The following MTRFR variants were observed in gnomAD, a reference collection of about 807,000 sequenced individuals.
The protein encoded by MTRFR is probable peptide chain release factor C12orf65, mitochondrial.
In MTRFR, 10 loss-of-function variants were observed where a neutral mutation model predicts 11.9. The observed-to-expected ratio is 0.84, with a 90% CI of 0.52 to 1.42. MTRFR has a LOEUF of 1.42. Among genes scored for constraint, MTRFR ranks in the 40% most tolerant of loss-of-function variants. MTRFR has a pLI of 0.00. For missense variants in MTRFR, 196 were observed against 197.9 expected (o/e 0.99, Z 0.06); for synonymous variants, 77 against 79.1 (o/e 0.97, Z 0.14).
chr12:123,245,139 G>A (rs187710664), intron 1 of MTRFR, among the ~76,000 whole-genome samples: 170 of 150,168 alleles, frequency 1.1e-3, no homozygotes, highest in African/African-American at 3.9e-3. Context: ...TGGTAGAGAC[G>A]GGGTTTCACC....
chr12:123,249,932 G>A (rs2048093557), intron 1 of MTRFR: 1 of 152,276 alleles, frequency 6.6e-6, no homozygotes. Context: ...TCTCTAGCAA[G>A]GCCGGGGAAG....
At chr12:123,234,737 AT>A (rs778245855) in intron 1 of MTRFR, among the ~76,000 whole-genome samples, 1 of 152,130 alleles carries the variant, frequency 6.6e-6, no homozygotes, top group Non-Finnish European at 1.5e-5. Flanking sequence ...ATCTTTCATG[AT>A]TTTTTAAATT....
In MTRFR at chr12:123,244,930, A is replaced by ATTTTTTTTTTT. The variant is rs544105176; in HGVS notation, c.-28-8697_-28-8687dup. On this transcript the variant is annotated intron_variant, in intron 1 of 2. Transcript: ENST00000253233. ...ACAGGTATGAGCCACCGCACCCGGC[A>ATTTTTTTTTTT]TTTTTTTTTTTTTTTTTTTTTTTTT... 1.1e-3 allele frequency among the ~76,000 whole-genome samples: 69 copies of ATTTTTTTTTTT among 65,088 alleles called. 3 individuals carry two copies. Among genetic ancestry groups the ATTTTTTTTTTT allele is most frequent in the East Asian group, 1.6e-3 (4 of 2,444 alleles). 42.7% of individuals were successfully genotyped at this position (65,088 alleles called of 152,430 possible).
chr12:123,244,467 A>G (rs73417346), intron 1 of MTRFR, among the ~76,000 whole-genome samples: 5,352 of 152,196 alleles, frequency 0.035, 292 homozygotes, highest in African/African-American at 0.12. Flanking sequence ...GCACATCTGT[A>G]TTTAGTGCCT....
chr12:123,239,982 A>G (rs962416125), intron 1 of MTRFR, among the ~76,000 whole-genome samples: 6 of 152,122 alleles, frequency 3.9e-5, no homozygotes, highest in African/African-American at 7.2e-5. Context: ...CCAGAATACT[A>G]GCAGCATCCT....
intron 1 of MTRFR, among the ~76,000 whole-genome samples, chr12:123,242,124 T>C (rs1008768358): frequency 7.2e-5 from 11 of 152,226 alleles, no homozygotes; most frequent in African/African-American, 2.7e-4. Context: ...TGTTCCCTTT[T>C]GTAAATTCCT....
chr12:123,256,711 T>C, intron 2 of MTRFR, 102 bp from the exon 3 acceptor site: 1 of 899,562 alleles, frequency 1.1e-6, no homozygotes. Flanking sequence ...AATAAATAAA[T>C]AGTAAATAAA....
At chr12:123,233,657 G>C (rs1177359969) in intron 1 of MTRFR, 126 bp downstream of exon 1, 1 of 152,362 alleles carries the variant, frequency 6.6e-6, no homozygotes, top group Non-Finnish European at 1.5e-5. Context: ...GGCGCAGCCA[G>C]TTTACCTGAG....
At chr12:123,255,057 A>G (rs1179100846) in intron 2 of MTRFR, 1 of 152,190 alleles carries the variant, frequency 6.6e-6, no homozygotes, top group South Asian at 2.1e-4. Context: ...ATATAACGAT[A>G]CTGGCAGCAG....
At chr12:123,256,664 C>A in intron 2 of MTRFR, 149 bp from the exon 3 acceptor site, 1 of 685,894 alleles carries the variant, frequency 1.5e-6, no homozygotes, top group Non-Finnish European at 2.5e-6. Flanking sequence ...CCATTGCACT[C>A]TAGCCTGGAT....
chr12:123,246,076 G>A (rs908442901), intron 1 of MTRFR, among the ~76,000 whole-genome samples: 3 of 151,902 alleles, frequency 2.0e-5, no homozygotes, highest in African/African-American at 7.3e-5. Flanking sequence ...TTGTTTTGTT[G>A]TGAGACAGTC....
intron 2 of MTRFR, among the ~76,000 whole-genome samples, chr12:123,255,569 G>A (rs974587507): frequency 5.3e-5 from 8 of 151,998 alleles, no homozygotes; most frequent in East Asian, 3.9e-4. Flanking sequence ...CAATCCTCCC[G>A]CCTCGGCCTC....
intron 2 of MTRFR, 176 bp downstream of exon 2, chr12:123,254,132 T>C: frequency 1.5e-6 from 1 of 681,330 alleles, no homozygotes. Context: ...CCCTGAGCCA[T>C]TCCTCCCTAA....
At chr12:123,245,106 G>A (rs1461735291) in intron 1 of MTRFR, among the ~76,000 whole-genome samples, 5 of 151,200 alleles carry the variant, frequency 3.3e-5, no homozygotes, top group Non-Finnish European at 7.4e-5. Flanking sequence ...CCACCACTGC[G>A]CCCGGCTAAT....
chr12:123,242,142 G>T (rs2047949725), intron 1 of MTRFR, among the ~76,000 whole-genome samples: 1 of 152,184 alleles, frequency 6.6e-6, no homozygotes, highest in African/African-American at 2.4e-5. Flanking sequence ...CCTTAGACCT[G>T]TTATCTCTGA....
intron 2 of MTRFR, 91 bp downstream of exon 2, chr12:123,254,047 G>T (rs1259908324): frequency 2.7e-6 from 4 of 1,494,996 alleles, no homozygotes; most frequent in African/African-American, 1.4e-5. Context: ...GGGATCAGCC[G>T]AAGTGCATTA....
intron 1 of MTRFR, chr12:123,248,973 G>A (rs2048079741): frequency 1.3e-5 from 2 of 150,112 alleles, no homozygotes; most frequent in Admixed American, 1.3e-4. Flanking sequence ...GCTAGACACA[G>A]CACTGATTGA....
At chr12:123,253,571 GCTGT>G in intron 1 of MTRFR, 72 bp from the exon 2 acceptor site, 2 of 1,420,530 alleles carry the variant, frequency 1.4e-6, no homozygotes, top group Non-Finnish European at 2.0e-6. Flanking sequence ...TTTATAAAAA[GCTGT>G]CTTTGAATCT....
At chr12:123,236,127 A>G (rs1179650772) in intron 1 of MTRFR, among the ~76,000 whole-genome samples, 1 of 152,316 alleles carries the variant, frequency 6.6e-6, no homozygotes. Context: ...ACATTGCCTA[A>G]GAAACTGGAA....
Sources: gnomAD v4.1 joint callset for allele counts (sites outside exome capture counted in the v4.1 genomes callset) on GRCh38, gnomAD v4.1.1 for gene constraint, MANE v1.5 for transcripts, NCBI Gene and HGNC (gene_info 2026-07-23, HGNC 2026-07-21) for gene names.